The following TRPM4 variants were observed in gnomAD, a reference collection of about 807,000 sequenced individuals.
TRPM4 encodes the protein calcium-activated non-selective cation channel 1.
In TRPM4, 124 loss-of-function variants were observed where a neutral mutation model predicts 135.6. The observed-to-expected ratio is 0.91, with a 90% CI of 0.79 to 1.06. The LOEUF is 1.06. TRPM4 is among the 50% of genes least tolerant of loss of function. TRPM4 has a pLI of 0.00. For missense variants in TRPM4, 1,658 were observed against 1,671.4 expected, an observed-to-expected ratio of 0.99 and a Z score of 0.14; for synonymous variants, 745 against 705.6, an observed-to-expected ratio of 1.06 and a Z score of -0.88.
chr19:49,181,295 G>T, intron 9 of TRPM4, 54 bp from the exon 10 acceptor site: 1 of 1,325,650 alleles, frequency 7.5e-7, no homozygotes, highest in Non-Finnish European at 1.1e-6. Context: ...TAGACATTCA[G>T]CAGATGTCCC....
At chr19:49,188,182 A>G (rs565712006) in intron 12 of TRPM4, among the ~76,000 whole-genome samples, 94 of 152,316 alleles carry the variant, frequency 6.2e-4, no homozygotes, top group African/African-American at 2.2e-3. Flanking sequence ...ATTCCTTCCC[A>G]AAGTTAGTTC....
chr19:49,171,595 CCAGGCT>C lies in TRPM4; in HGVS notation c.880_885del (p.Ala294_Gln295del), dbSNP rs1568462019. 1 of 1,613,982 alleles carries C rather than the reference CCAGGCT, an allele frequency of 6.2e-7. No homozygotes were observed. Among genetic ancestry groups the C allele is most frequent in the East Asian group, 2.2e-5 (1 of 44,874 alleles). ...TCCTGTAGCGAATAGAGAACGCCAC[CCAGGCT>C]CAGCTCCCATGTCTCCTCGTGGCTG... On this transcript the variant is annotated inframe_deletion, in exon 8 of 25. Coordinates refer to ENST00000252826, the MANE Select transcript of TRPM4 (RefSeq NM_017636.4). The surrounding 1 kb of genome is among the most constrained non-coding windows in gnomAD (Gnocchi z 4.7).
chr19:49,168,478 GGGA>G (rs2122808074), intron 5 of TRPM4, 55 bp downstream of exon 5: 1 of 1,613,756 alleles, frequency 6.2e-7, no homozygotes, highest in Non-Finnish European at 8.5e-7. Context: ...CTGGGTCTGA[GGGA>G]GGAGGAGGGG....
rs749960193 is a variant in TRPM4 at position 49,171,210 on chromosome 19, A to G, written c.797-147A>G. On this transcript the variant is annotated intron_variant, in intron 6 of 24. Transcript: ENST00000252826. The surrounding 1 kb of genome is among the most constrained non-coding windows in gnomAD (Gnocchi z 4.7). ...TTCTAAAATAAATACATAATTAAGT[A>G]AAAAAAGAAATGACAATTCCAATGA... 2.1e-5 allele frequency: 19 copies of G among 888,418 alleles called. No individual in the cohort carries two copies. The highest frequency in any genetic ancestry group is 4.4e-4 in the Middle Eastern group (2 of 4,562). 55.0% of individuals were successfully genotyped at this position (888,418 alleles called of 1,614,324 possible). A position where few individuals can be genotyped will look rare whatever the true frequency, so the allele number is the denominator to read the frequency against.
Position 49,191,524 on chromosome 19 carries a change from T to G in TRPM4, c.2210+751T>G, listed in dbSNP as rs1161061478. Among the ~76,000 whole-genome samples, 4 of 149,814 alleles carry G rather than the reference T, an allele frequency of 2.7e-5. No individual in the cohort carries two copies. In the East Asian group the frequency reaches 8.0e-4, roughly 30 times the overall value. On this transcript the variant is annotated intron_variant, in intron 16 of 24. Coordinates refer to ENST00000252826, the MANE Select transcript of TRPM4 (RefSeq NM_017636.4). ...CCCAGCCAGGGATTACATTTCTTTC[T>G]TTCTTTTTTGAAATGGGGTCTCGCT... is the stretch of plus-strand genomic sequence containing the variant.
At position 49,189,026 on chromosome 19, in the gene TRPM4, G is replaced by T; in HGVS notation, c.1954G>T (p.Ala652Ser). Residue 652 changes from alanine to serine, a missense_variant, in exon 14 of 25, where the codon GCC becomes TCC. By Grantham distance (99) the Ala-to-Ser change is moderately conservative. Transcript: ENST00000252826. ...LLRRCPLWGD[A>S]TCLQLAMQAD... Reference sequence around the variant, plus strand: ...CCGTCGCTGCCCGCTCTGGGGGGATGCCACTTGCCTCCAGCTGGCCATGCA... The same window carrying T: ...CCGTCGCTGCCCGCTCTGGGGGGATTCCACTTGCCTCCAGCTGGCCATGCA... The T allele has an allele frequency of 1.2e-6, 2 of 1,614,166 alleles. No homozygotes were observed. The highest frequency in any genetic ancestry group is 1.7e-6 in the Non-Finnish European group (2 of 1,180,024).
intron 16 of TRPM4, 84 bp downstream of exon 16, chr19:49,190,857 C>T (rs1968387769): frequency 8.3e-7 from 1 of 1,211,464 alleles, no homozygotes; most frequent in African/African-American, 1.5e-5. Context: ...GTGTTAGTCC[C>T]CTCTTGAGTT....
intron 9 of TRPM4, among the ~76,000 whole-genome samples, chr19:49,180,425 CTGCTGTGTG>C (rs1967869623): frequency 7.6e-6 from 1 of 131,802 alleles, no homozygotes. Flanking sequence ...TTGTCATCAT[CTGCTGTGTG>C]TGTGTGTGTG....
intron 2 of TRPM4, among the ~76,000 whole-genome samples, chr19:49,161,466 G>A (rs1290603182): frequency 1.3e-5 from 2 of 151,312 alleles, no homozygotes; most frequent in Admixed American, 1.3e-4. Flanking sequence ...GGGACCACAG[G>A]CATGCACCAC....
At position 49,211,375 on chromosome 19, in the gene TRPM4, C is replaced by T; in HGVS notation, c.3640+106C>T. The stretch of plus-strand genomic sequence containing the variant: ...AGTGTCCCTGGGTCACTCTCTTGGT[C>T]TCCTTTGAGCCTTTTGTACTCTCGC... On this transcript the variant is annotated intron_variant, in intron 24 of 24. Transcript: ENST00000252826. The surrounding 1 kb of genome is among the most constrained non-coding windows in gnomAD (Gnocchi z 4.8). The T allele has an allele frequency of 6.3e-7, 1 of 1,585,284 alleles. No individual in the cohort carries two copies. The highest frequency in any genetic ancestry group is 8.6e-7 in the Non-Finnish European group (1 of 1,158,820).
chr19:49,166,153 G>A lies in TRPM4; in HGVS notation c.205G>A (p.Glu69Lys), dbSNP rs1298334597. The A allele has an allele frequency of 6.2e-7, 1 of 1,608,854 alleles. No homozygotes were observed. The highest frequency in any genetic ancestry group is 8.5e-7 in the Non-Finnish European group (1 of 1,178,460). ...GTGGGACAGCGATGCACACACCACG[G>A]AGAAGCCCACCGATGCCTACGGAGA... Reference protein sequence around the residue: ...TVWDSDAHTTEKPTDAYGELD... With the variant: ...TVWDSDAHTTKKPTDAYGELD... Residue 69 changes from glutamate to lysine, a missense_variant, in exon 3 of 25, where the codon GAG becomes AAG. Physicochemically the swap from Glu to Lys is moderately conservative, Grantham distance 56 (BLOSUM62 1). Around this residue, in one of 3 missense-constraint regions of TRPM4, gnomAD observed 239 missense variants for 240.1 expected, o/e 1.00. Coordinates refer to ENST00000252826, the MANE Select transcript of TRPM4 (RefSeq NM_017636.4).
Position 49,196,589 on chromosome 19 carries a change from T to C in TRPM4, c.2360T>C (p.Val787Ala). The change falls in exon 17 of 25, where the codon GTG becomes GCG. Residue 787 changes from valine to alanine, a missense_variant. Val to Ala is a moderately conservative substitution (Grantham distance 64). This residue lies in a region of TRPM4 where 1,412 missense variants were observed against 1,408.7 expected (regional missense o/e 1.00). Coordinates refer to ENST00000252826, the MANE Select transcript of TRPM4 (RefSeq NM_017636.4). ...CCGGTGACCATCTTCATGGGCAACGTGGTCAGCTACCTGCTGTTCCTGCTG... is the reference window on the plus strand; with the variant it reads ...CCGGTGACCATCTTCATGGGCAACGCGGTCAGCTACCTGCTGTTCCTGCTG... ...GAPVTIFMGN[V>A]VSYLLFLLLF... is the part of the protein sequence containing the mutation. The C allele has an allele frequency of 6.4e-7, 1 of 1,557,542 alleles. No homozygotes were observed. The highest frequency in any genetic ancestry group is 1.4e-5 in the African/African-American group (1 of 73,858).
In TRPM4 at chr19:49,171,984, G is replaced by A. The variant is rs746403126; in HGVS notation, c.1051-25G>A. 2 of 1,595,084 alleles carry A rather than the reference G, an allele frequency of 1.3e-6. No individual in the cohort carries two copies. The highest frequency in any genetic ancestry group is 1.1e-5 in the South Asian group (1 of 90,726). On this transcript the variant is annotated intron_variant, in intron 8 of 24. Transcript: ENST00000252826. The surrounding 1 kb of genome is among the most constrained non-coding windows in gnomAD (Gnocchi z 4.7). ...GGAGTTGGGGATGGAGGCGGGCTAG[G>A]GATGCAGAACTGGCTATTCCACAGG...
At chr19:49,165,943 C>T in intron 2 of TRPM4, 98 bp from the exon 3 acceptor site, 2 of 1,241,270 alleles carry the variant, frequency 1.6e-6, no homozygotes, top group South Asian at 1.4e-5. Flanking sequence ...GGTGTGGACT[C>T]AGTGTCGACA....
chr19:49,182,019 C>T lies in TRPM4; in HGVS notation c.1263+558C>T, dbSNP rs191676835. 2.6e-5 allele frequency among the ~76,000 whole-genome samples: 4 copies of T among 151,290 alleles called. No individual in the cohort carries two copies. The East Asian group carries it at 7.8e-4, about 29-fold the overall frequency. Reference sequence around the variant, plus strand: ...ATTCATCCATTCATTCATCCATCTACTTATCCATCCATCCATCCATTTGTC... The same window carrying T: ...ATTCATCCATTCATTCATCCATCTATTTATCCATCCATCCATCCATTTGTC... On this transcript the variant is annotated intron_variant, in intron 10 of 24. Coordinates refer to ENST00000252826, the MANE Select transcript of TRPM4 (RefSeq NM_017636.4).
chr19:49,176,962 A>G (rs79830937), intron 9 of TRPM4, among the ~76,000 whole-genome samples: 4,503 of 152,200 alleles, frequency 0.03, 110 homozygotes, highest in African/African-American at 0.055. Flanking sequence ...GAAAGTGGAG[A>G]TAATATCTTA....
At chr19:49,158,040 T>A in intron 1 of TRPM4, 150 bp downstream of exon 1, 1 of 1,245,430 alleles carries the variant, frequency 8.0e-7, no homozygotes, top group Non-Finnish European at 1.2e-6. Flanking sequence ...GGCATGGGGG[T>A]CGAGACTCCT....
intron 20 of TRPM4, among the ~76,000 whole-genome samples, chr19:49,204,717 C>G (rs958361086): frequency 1.3e-5 from 2 of 151,018 alleles, no homozygotes; most frequent in Non-Finnish European, 2.9e-5. Flanking sequence ...TTTTTTTTTA[C>G]TTTTATTTTA....
chr19:49,196,998 TGAGAACCCCTCTTAGGAAAGTC>T, intron 17 of TRPM4, 124 bp downstream of exon 17: 1 of 914,726 alleles, frequency 1.1e-6, no homozygotes, highest in Non-Finnish European at 1.6e-6. Context: ...CCCTGCTGAT[TGAGAACCCCTCTTAGGAAAGTC>T]GGGCATGACG....
Sources: gnomAD v4.1 joint callset for allele counts (sites outside exome capture counted in the v4.1 genomes callset) on GRCh38, gnomAD v4.1.1 for gene constraint, gnomAD v4.1.1 regional missense constraint, Gnocchi (gnomAD v3.1) non-coding constraint, MANE v1.5 for transcripts, NCBI Gene and HGNC (gene_info 2026-07-23, HGNC 2026-07-21) for gene names.